Variants in TENM1 observed in about 807,000 individuals in gnomAD.
TENM1 encodes teneurin transmembrane protein 1, also known as teneurin-1.
TENM1 carries 35 observed loss-of-function variants against 174.8 expected under a neutral mutation model. The ratio of observed to expected loss-of-function variants is 0.20; its 90% CI spans 0.15 to 0.27. TENM1 has a LOEUF of 0.27. TENM1 is among the 10% of genes least tolerant of loss of function. TENM1 has a pLI of 1.00. For synonymous variants in TENM1, 781 were observed against 798.7 expected (o/e 0.98, Z 0.37); for missense variants, 1,633 against 2,130.1 (o/e 0.77, Z 4.59).
chrX:124,631,438 A>C (rs1458034041), intron 11 of TENM1, among the ~76,000 whole-genome samples: 1 of 111,569 alleles, frequency 9.0e-6, no homozygotes, highest in Non-Finnish European at 1.9e-5. Context: ...AAAAGGAGTA[A>C]AGGACATGGA....
chrX:124,505,327 T>G lies in TENM1; in HGVS notation c.3302-1624A>C, dbSNP rs374365747. 1.9e-4 allele frequency among the ~76,000 whole-genome samples: 21 copies of G among 111,571 alleles called. No homozygotes were observed. The East Asian group carries it at 4.0e-3, about 21-fold the overall frequency. ...TTATTAGCAACAGAGGCCAACGGAC[T>G]GGGGGCGGGGGAGGAAACTAATCGT... On this transcript the variant is annotated intron_variant, in intron 18 of 31. Coordinates refer to ENST00000422452, the Ensembl canonical transcript of TENM1.
chrX:124,408,775 C>T (rs1258752206), intron 25 of TENM1, among the ~76,000 whole-genome samples: 1 of 102,318 alleles, frequency 9.8e-6, no homozygotes, highest in Non-Finnish European at 2.0e-5. Flanking sequence ...CCCGTTAACT[C>T]GTCATTTAAC....
the TENM1 span, among the ~76,000 whole-genome samples, chrX:125,167,722 G>A: frequency 1.8e-5 from 2 of 110,969 alleles, no homozygotes; most frequent in African/African-American, 6.5e-5. Context: ...GTGTGATAGA[G>A]CTGGTGTTCA....
intron 3 of TENM1, among the ~76,000 whole-genome samples, chrX:124,891,291 A>G (rs77893649): frequency 2.9e-4 from 32 of 111,620 alleles, no homozygotes; most frequent in Admixed American, 3.8e-4. Context: ...TAAAATAACT[A>G]AAATATTGGA....
Position 124,690,795 on chromosome X carries a change from C to A in TENM1, c.1015+14218G>T, listed in dbSNP as rs754270697. Among the ~76,000 whole-genome samples the A allele has an allele frequency of 2.4e-4, 27 of 110,615 alleles. 1 individual carries two copies. The highest frequency in any genetic ancestry group is 3.8e-4 in the Non-Finnish European group (20 of 52,908). ...CTTGTGATCTCTGCACACACTGGCT[C>A]CCCTTCTCCTTCCACGATGAGTGGA... On this transcript the variant is annotated intron_variant, in intron 5 of 31. Coordinates refer to ENST00000422452, the Ensembl canonical transcript of TENM1.
At chrX:124,511,603 A>T (rs2047586363) in intron 18 of TENM1, among the ~76,000 whole-genome samples, 1 of 111,767 alleles carries the variant, frequency 8.9e-6, no homozygotes, top group Admixed American at 9.5e-5. Flanking sequence ...CAACATGAAG[A>T]TCATGCTAAT....
chrX:124,544,702 T>C (rs2048392637), intron 15 of TENM1, among the ~76,000 whole-genome samples: 1 of 112,050 alleles, frequency 8.9e-6, no homozygotes, highest in Non-Finnish European at 1.9e-5. Flanking sequence ...AGTATAAATT[T>C]GGTTCACGTC....
chrX:124,436,421 C>T (rs1408002242), intron 23 of TENM1, among the ~76,000 whole-genome samples: 1 of 111,007 alleles, frequency 9.0e-6, no homozygotes, highest in Non-Finnish European at 1.9e-5. Context: ...ACTGCACTTC[C>T]AGCTCCTCTC....
At chrX:125,103,350 C>T in the TENM1 span, among the ~76,000 whole-genome samples, 1 of 111,133 alleles carries the variant, frequency 9.0e-6, no homozygotes, top group African/African-American at 3.3e-5. Context: ...CATATCTTGT[C>T]TCATTTTGTT....
At chrX:124,783,396 T>C (rs2054961022) in intron 3 of TENM1, among the ~76,000 whole-genome samples, 1 of 110,152 alleles carries the variant, frequency 9.1e-6, no homozygotes, top group African/African-American at 3.4e-5. Context: ...CTAGTTATTA[T>C]ATAAAAATTG....
intron 7 of TENM1, 25 bp from the exon 11 acceptor site, chrX:124,652,149 T>C (rs1481642683): frequency 8.3e-7 from 1 of 1,200,293 alleles, no homozygotes; most frequent in Non-Finnish European, 1.1e-6. Context: ...AACATGAAGA[T>C]GAGCCACTAC....
intron 11 of TENM1, among the ~76,000 whole-genome samples, chrX:124,593,339 T>C (rs2843505): frequency 0.24 from 26,590 of 108,806 alleles, 2,443 homozygotes; most frequent in South Asian, 0.4. Context: ...GGGCTTGGAG[T>C]AGAGAGAGCC....
chrX:124,797,015 G>T (rs923615849), intron 3 of TENM1, among the ~76,000 whole-genome samples: 1 of 111,642 alleles, frequency 9.0e-6, no homozygotes, highest in Admixed American at 9.5e-5. Flanking sequence ...GGAGTTGAAA[G>T]AGATATAGTC....
the TENM1 span, among the ~76,000 whole-genome samples, chrX:125,104,001 TAA>T: frequency 9.1e-6 from 1 of 110,352 alleles, no homozygotes; most frequent in Non-Finnish European, 1.9e-5. Context: ...AAAAAAAAAA[TAA>T]AAGACTTAAC....
At chrX:124,385,562 G>A in intron 29 of TENM1, 115 bp downstream of exon 32, 2 of 689,863 alleles carry the variant, frequency 2.9e-6, no homozygotes, top group Non-Finnish European at 4.2e-6. Flanking sequence ...TAAGTAAAGT[G>A]AAAGTTGGGT....
intron 3 of TENM1, among the ~76,000 whole-genome samples, chrX:124,883,648 G>T (rs1398706183): frequency 8.9e-6 from 1 of 112,391 alleles, no homozygotes; most frequent in Admixed American, 9.4e-5. Flanking sequence ...AGTAGCAGTA[G>T]CAGTGACAAG....
intron 5 of TENM1, among the ~76,000 whole-genome samples, chrX:124,689,773 GT>G (rs1031267289): frequency 5.5e-4 from 59 of 106,962 alleles, no homozygotes; most frequent in African/African-American, 1.7e-3. Flanking sequence ...CATATACTAT[GT>G]TTTTTTTTTC....
rs1300611872 is a variant in TENM1 at position 124,480,297 on chromosome X, G to A, written c.3949+1435C>T. 2.7e-5 allele frequency among the ~76,000 whole-genome samples: 3 copies of A among 112,146 alleles called. No homozygotes were observed. The Admixed American group carries it at 2.8e-4, about 11-fold the overall frequency. On this transcript the variant is annotated intron_variant, in intron 22 of 31. Transcript: ENST00000422452. ...CTGTTAAATAAATTCAGATTTAATGGTATGGGGTTAGCCAGAGGGGCTTTA... is the reference window on the plus strand; with the variant it reads ...CTGTTAAATAAATTCAGATTTAATGATATGGGGTTAGCCAGAGGGGCTTTA...
intron 23 of TENM1, among the ~76,000 whole-genome samples, chrX:124,451,447 A>G (rs918042954): frequency 4.5e-5 from 5 of 112,081 alleles, no homozygotes; most frequent in Non-Finnish European, 7.5e-5. Flanking sequence ...GTCTAAAGAG[A>G]CTTCGTAGTC....
Sources: allele counts gnomAD v4.1 joint callset (sites outside exome capture counted in the v4.1 genomes callset), GRCh38; gene constraint gnomAD v4.1.1; transcripts MANE v1.5; gene names NCBI Gene and HGNC (gene_info 2026-07-23, HGNC 2026-07-21).